TMEM131L: variants seen among roughly 807,000 people sequenced by gnomAD.
TMEM131L encodes the protein transmembrane 131 like.
Under a neutral mutation model 192.2 loss-of-function variants are expected in TMEM131L, and 54 were observed. That is an observed-to-expected ratio of 0.28 (90% CI 0.23 to 0.35). TMEM131L has a LOEUF of 0.35. Ranked by LOEUF, TMEM131L falls within the 10% of genes least tolerant of loss-of-function variation. The pLI is 1.00. For missense variants in TMEM131L, 1,888 were observed against 1,972.9 expected (o/e 0.96, Z 0.82); for synonymous variants, 701 against 704.9 (o/e 0.99, Z 0.09).
At chr4:153,530,870 C>T (rs966562898) in intron 3 of TMEM131L, among the ~76,000 whole-genome samples, 3 of 152,194 alleles carry the variant, frequency 2.0e-5, no homozygotes, top group African/African-American at 7.2e-5. Context: ...GGGCCAGTTC[C>T]ATGTGGTTCT....
chr4:153,612,018 C>T (rs1732651468), intron 25 of TMEM131L, among the ~76,000 whole-genome samples: 1 of 28,534 alleles, frequency 3.5e-5, no homozygotes, highest in Non-Finnish European at 8.5e-5. Flanking sequence ...ATATTGGTGT[C>T]CCCCCCCACC....
chr4:153,488,457 C>T (rs776194274), intron 3 of TMEM131L, among the ~76,000 whole-genome samples: 4 of 152,012 alleles, frequency 2.6e-5, no homozygotes, highest in Non-Finnish European at 4.4e-5. Flanking sequence ...AGGAGGCAGC[C>T]GGGAACTTGG....
rs1416625100 is a variant in TMEM131L, at chr4:153,636,444, C to T, written c.4701C>T (p.Val1567=). The T allele has an allele frequency of 5.0e-6, 8 of 1,614,146 alleles. No homozygotes were observed. The highest frequency in any genetic ancestry group is 2.2e-5 in the East Asian group (1 of 44,886). The change falls in exon 35 of 35, where the codon GTC becomes GTT. Residue 1567 remains valine, a synonymous_variant. Coordinates refer to ENST00000409959, the MANE Select transcript of TMEM131L (RefSeq NM_001131007.2). ...CGACCCACATGGAAAACCAAGCGGT[C>T]GTGTGCAAGGAATACTACCCGGGGT... The part of the protein sequence containing the change: ...EHSTHMENQA[V]VCKEYYPGFN...
intron 3 of TMEM131L, among the ~76,000 whole-genome samples, chr4:153,534,560 A>G (rs963255271): frequency 6.6e-6 from 1 of 152,240 alleles, no homozygotes; most frequent in Non-Finnish European, 1.5e-5. Context: ...CAGCCTCCCT[A>G]GTAGCTGGGA....
chr4:153,555,937 T>C lies in TMEM131L; in HGVS notation c.432+27T>C, dbSNP rs1431643045. 6.5e-7 allele frequency: 1 copy of C among 1,544,820 alleles called. No individual in the cohort carries two copies. Among genetic ancestry groups the C allele is most frequent in the Non-Finnish European group, 8.7e-7 (1 of 1,143,228 alleles). ...TGGGTGTTGATGGACTCCTGGAAAC[T>C]ATGCCGTGGCAGGCAGCCAGGTTTT... is the stretch of plus-strand genomic sequence containing the variant. On this transcript the variant is annotated intron_variant, in intron 5 of 34. Transcript: ENST00000409959. This position sits in a 1 kb window ranked among gnomAD's most constrained non-coding sequence, Gnocchi z 4.1.
chr4:153,504,006 G>T (rs924254831), intron 3 of TMEM131L, among the ~76,000 whole-genome samples: 2 of 152,018 alleles, frequency 1.3e-5, no homozygotes, highest in South Asian at 2.1e-4. Context: ...TTGCTCTGTC[G>T]CCCAGGCTGG....
At chr4:153,582,526 C>G (rs757861723) in intron 9 of TMEM131L, among the ~76,000 whole-genome samples, 1 of 149,922 alleles carries the variant, frequency 6.7e-6, no homozygotes, top group Admixed American at 6.6e-5. Context: ...CATTCCTCCC[C>G]GCTTGGCCTC....
chr4:153,626,688 CCA>C (rs1459135167), intron 30 of TMEM131L, among the ~76,000 whole-genome samples: 3 of 152,240 alleles, frequency 2.0e-5, no homozygotes, highest in African/African-American at 7.2e-5. Flanking sequence ...TCCCTTGATC[CCA>C]GGAGATCGAG....
intron 7 of TMEM131L, among the ~76,000 whole-genome samples, chr4:153,576,630 T>G (rs1044081535): frequency 3.3e-5 from 5 of 151,990 alleles, no homozygotes; most frequent in Admixed American, 6.5e-5. Context: ...GAGAATTGCC[T>G]TGTCAGGTTA....
chr4:153,564,112 A>C (rs1729031447), intron 7 of TMEM131L, among the ~76,000 whole-genome samples: 1 of 151,804 alleles, frequency 6.6e-6, no homozygotes. Context: ...AACATGGTGA[A>C]ACCCCGTCTC....
At chr4:153,532,557 G>A (rs1403277606) in intron 3 of TMEM131L, among the ~76,000 whole-genome samples, 1 of 151,918 alleles carries the variant, frequency 6.6e-6, no homozygotes, top group Non-Finnish European at 1.5e-5. Context: ...GCAACCAGCA[G>A]CACACTCTAA....
rs1483486662 is a variant in TMEM131L at position 153,558,411 on chromosome 4, C to T, written c.660+43C>T. ...ACTTTGAATGCTGGTGGCCACCAAA[C>T]TTTGTAACCTTCTCAGAATTGGTTA... is the stretch of plus-strand genomic sequence containing the variant. On this transcript the variant is annotated intron_variant, in intron 7 of 34. Coordinates refer to ENST00000409959, the MANE Select transcript of TMEM131L (RefSeq NM_001131007.2). 2.6e-6 allele frequency: 3 copies of T among 1,160,464 alleles called. No homozygotes were observed. The East Asian group carries it at 7.1e-5, about 28-fold the overall frequency. 71.9% of individuals were successfully genotyped at this position (1,160,464 alleles called of 1,614,324 possible).
chr4:153,514,476 C>G (rs1467900761), intron 3 of TMEM131L, among the ~76,000 whole-genome samples: 3 of 152,200 alleles, frequency 2.0e-5, no homozygotes. Flanking sequence ...ATAGCCACTT[C>G]TATTATAAAA....
chr4:153,601,542 C>A (rs1232001333), intron 21 of TMEM131L, among the ~76,000 whole-genome samples: 1 of 152,168 alleles, frequency 6.6e-6, no homozygotes, highest in African/African-American at 2.4e-5. Flanking sequence ...CAAACAAACA[C>A]CTGTAGAACC....
chr4:153,519,886 C>T (rs1734988326), intron 3 of TMEM131L, among the ~76,000 whole-genome samples: 2 of 152,176 alleles, frequency 1.3e-5, no homozygotes, highest in Non-Finnish European at 2.9e-5. Context: ...GTTTACTAGT[C>T]CTTGACCACA....
chr4:153,598,490 T>C (rs1485618128), intron 20 of TMEM131L, 100 bp from the exon 21 acceptor site: 1 of 1,101,518 alleles, frequency 9.1e-7, no homozygotes, highest in African/African-American at 1.6e-5. Context: ...TTCAAAAAAG[T>C]TTAAAAATAT....
chr4:153,470,358 G>A (rs555065185), intron 2 of TMEM131L, among the ~76,000 whole-genome samples: 18 of 152,220 alleles, frequency 1.2e-4, no homozygotes, highest in African/African-American at 3.9e-4. Flanking sequence ...GAGCATGAAC[G>A]GCTTTCTTGT....
At chr4:153,535,649 T>A (rs1458000398) in intron 3 of TMEM131L, among the ~76,000 whole-genome samples, 4 of 152,134 alleles carry the variant, frequency 2.6e-5, no homozygotes, top group Non-Finnish European at 5.9e-5. Flanking sequence ...AAGAAATAAC[T>A]ATAAGCTGTA....
At chr4:153,533,684 C>T (rs1736093658) in intron 3 of TMEM131L, among the ~76,000 whole-genome samples, 1 of 152,312 alleles carries the variant, frequency 6.6e-6, no homozygotes, top group East Asian at 1.9e-4. Flanking sequence ...CCTGTTTGAG[C>T]ATGATCCACC....
Sources: allele counts gnomAD v4.1 joint callset (sites outside exome capture counted in the v4.1 genomes callset), GRCh38; gene constraint gnomAD v4.1.1; non-coding constraint Gnocchi (gnomAD v3.1); transcripts MANE v1.5; gene names NCBI Gene and HGNC (gene_info 2026-07-23, HGNC 2026-07-21).